Variants in CNTNAP3B observed in about 807,000 individuals in gnomAD.
CNTNAP3B encodes contactin associated protein family member 3B.
CNTNAP3B carries 25 observed loss-of-function variants against 108.9 expected under a neutral mutation model. The ratio of observed to expected loss-of-function variants is 0.23; its 90% CI spans 0.17 to 0.32. The LOEUF is 0.32. CNTNAP3B is among the 10% of genes least tolerant of loss of function. CNTNAP3B has a pLI of 1.00. For synonymous variants in CNTNAP3B, 103 were observed against 473.4 expected (o/e 0.22, Z 10.16); for missense variants, 252 against 1,210.4 (o/e 0.21, Z 11.75).
intron 4 of CNTNAP3B, among the ~76,000 whole-genome samples, chr9:42,002,917 C>T (rs1255665160): frequency 7.8e-6 from 1 of 128,996 alleles, no homozygotes; most frequent in Non-Finnish European, 1.6e-5. Flanking sequence ...AACAGAGACT[C>T]ACTCCGTTGC....
At chr9:42,121,277 G>T (rs1265675295) in intron 1 of CNTNAP3B, among the ~76,000 whole-genome samples, 2 of 138,806 alleles carry the variant, frequency 1.4e-5, no homozygotes, top group East Asian at 2.2e-4. Context: ...CCCCCTTTTG[G>T]TGGATTTTTC....
intron 3 of CNTNAP3B, among the ~76,000 whole-genome samples, chr9:42,070,830 T>A (rs1483965502): frequency 6.6e-6 from 1 of 151,980 alleles, no homozygotes; most frequent in East Asian, 1.9e-4. Context: ...TAGGAACAAA[T>A]ACACACAGGC....
At chr9:42,070,319 G>A (rs1295326694) in intron 3 of CNTNAP3B, among the ~76,000 whole-genome samples, 5 of 150,018 alleles carry the variant, frequency 3.3e-5, no homozygotes, top group Admixed American at 3.3e-4. Context: ...GAGAGATACA[G>A]AAGGAAACAA....
chr9:42,041,754 T>G (rs1007312250), intron 3 of CNTNAP3B, among the ~76,000 whole-genome samples: 1 of 138,664 alleles, frequency 7.2e-6, no homozygotes, highest in African/African-American at 2.8e-5. Context: ...ACCCAGAGGA[T>G]TATAAATCAT....
At chr9:42,020,449 C>T (rs1229094414) in intron 3 of CNTNAP3B, among the ~76,000 whole-genome samples, 43 of 148,410 alleles carry the variant, frequency 2.9e-4, no homozygotes, top group African/African-American at 8.7e-4. Flanking sequence ...TGTGTGAGAT[C>T]GATCAGCATG....
chr9:42,097,260 A>G (rs1827921196), intron 2 of CNTNAP3B, among the ~76,000 whole-genome samples: 1 of 140,414 alleles, frequency 7.1e-6, no homozygotes. Context: ...AGGAGTGCAC[A>G]GCAGGCATGG....
intron 14 of CNTNAP3B, among the ~76,000 whole-genome samples, chr9:41,935,835 G>A (rs1251501976): frequency 6.6e-6 from 1 of 152,294 alleles, no homozygotes; most frequent in Non-Finnish European, 1.5e-5. Flanking sequence ...CCAAATGAAA[G>A]CCCAGGGCTT....
chr9:41,951,218 T>C (rs370263494), intron 13 of CNTNAP3B, among the ~76,000 whole-genome samples: 19 of 147,504 alleles, frequency 1.3e-4, no homozygotes, highest in African/African-American at 4.8e-4. Context: ...CACAAGTGTA[T>C]GTAAATCTAC....
rs1223812230 is a variant in CNTNAP3B, at chr9:42,110,734, G to A, written c.86-5995C>T. Among the ~76,000 whole-genome samples, 38 of 136,278 alleles carry A rather than the reference G, an allele frequency of 2.8e-4. 5 individuals are homozygous for A. Among genetic ancestry groups the A allele is most frequent in the African/African-American group, 9.1e-4 (31 of 33,992 alleles). 89.4% of individuals were successfully genotyped at this position (136,278 alleles called of 152,430 possible). A position where few individuals can be genotyped will look rare whatever the true frequency, so the allele number is the denominator to read the frequency against. ...CACGTCTGGATGTTCATCTGGATACGGCGCTATTCCATTCTTCCCATTTCA... is the reference window on the plus strand; with the variant it reads ...CACGTCTGGATGTTCATCTGGATACAGCGCTATTCCATTCTTCCCATTTCA... On this transcript the variant is annotated intron_variant, in intron 1 of 23. Transcript: ENST00000377561.
intron 12 of CNTNAP3B, among the ~76,000 whole-genome samples, chr9:41,955,634 G>T (rs1173771237): frequency 1.3e-5 from 2 of 152,260 alleles, no homozygotes; most frequent in Non-Finnish European, 1.5e-5. Context: ...GGGCTCAAGT[G>T]AATTGGACCT....
Position 42,056,021 on chromosome 9 carries a change from T to C in CNTNAP3B, c.390+20848A>G, listed in dbSNP as rs1434376439. On this transcript the variant is annotated intron_variant, in intron 3 of 23. Transcript: ENST00000377561. ...ACAAAGCACAAAGAATCATGTTTGG[T>C]GCACAGTAAGCACTCAAGATACATA... Among the ~76,000 whole-genome samples, 3 of 113,092 alleles carry C rather than the reference T, an allele frequency of 2.7e-5. 1 individual carries two copies. Among genetic ancestry groups the C allele is most frequent in the Non-Finnish European group, 5.5e-5 (3 of 54,356 alleles). The allele number at this position is 113,092 out of a possible 152,430, so 74.2% of individuals were successfully genotyped here.
rs1823733811 is a variant in CNTNAP3B at position 41,923,836 on chromosome 9, A to G, written c.2536+87T>C. The G allele has an allele frequency of 6.5e-6, 10 of 1,537,670 alleles. No homozygotes were observed. In the South Asian group the frequency reaches 1.3e-4, roughly 19 times the overall value. The stretch of plus-strand genomic sequence containing the variant: ...TATAATGAAATAGAATCACAAAGTA[A>G]GAATGAAATACTACCATTTTGTTGA... On this transcript the variant is annotated intron_variant, in intron 16 of 23. Transcript: ENST00000377561.
In CNTNAP3B at chr9:42,038,475, C is replaced by G. The variant is rs1826679557; in HGVS notation, c.391-24950G>C. On this transcript the variant is annotated intron_variant, in intron 3 of 23. Coordinates refer to ENST00000377561, the MANE Select transcript of CNTNAP3B (RefSeq NM_001201380.3). ...GAAAATAAAAAAAAAGCAGGGGTTG[C>G]AATCCTAGTCTCAGATAAAACAGAC... 2.0e-5 allele frequency among the ~76,000 whole-genome samples: 2 copies of G among 98,018 alleles called. 1 individual carries two copies. The highest frequency in any genetic ancestry group is 4.3e-5 in the Non-Finnish European group (2 of 46,044). 64.3% of individuals were successfully genotyped at this position (98,018 alleles called of 152,430 possible).
At chr9:42,054,755 T>C (rs1827027153) in intron 3 of CNTNAP3B, among the ~76,000 whole-genome samples, 1 of 151,520 alleles carries the variant, frequency 6.6e-6, no homozygotes, top group South Asian at 2.1e-4. Context: ...TTCTGTCGGG[T>C]TACATCCACT....
intron 1 of CNTNAP3B, among the ~76,000 whole-genome samples, chr9:42,126,893 C>T (rs1183407124): frequency 7.2e-6 from 1 of 138,570 alleles, no homozygotes; most frequent in Non-Finnish European, 1.5e-5. Context: ...CCATGAAGAG[C>T]CATTTCATGC....
intron 2 of CNTNAP3B, among the ~76,000 whole-genome samples, chr9:42,096,719 C>A (rs1263095046): frequency 9.1e-6 from 1 of 109,756 alleles, no homozygotes; most frequent in Non-Finnish European, 1.9e-5. Flanking sequence ...GAGTTTCTGG[C>A]TGACTTACGC....
chr9:41,937,097 C>CGTTACTT (rs1363772273), intron 14 of CNTNAP3B, among the ~76,000 whole-genome samples: 4,911 of 122,762 alleles, frequency 0.04, 29 homozygotes, highest in Admixed American at 0.072. Flanking sequence ...ATGACCATTA[C>CGTTACTT]ATTTTTTATT....
At chr9:41,936,982 T>A (rs1459525367) in intron 14 of CNTNAP3B, among the ~76,000 whole-genome samples, 1 of 152,270 alleles carries the variant, frequency 6.6e-6, no homozygotes, top group Non-Finnish European at 1.5e-5. Flanking sequence ...TTATGCCAAA[T>A]AAATAAGTGG....
intron 12 of CNTNAP3B, among the ~76,000 whole-genome samples, chr9:41,956,866 C>CA (rs1192362043): frequency 7.1e-6 from 1 of 140,398 alleles, no homozygotes; most frequent in African/African-American, 2.8e-5. Context: ...CTGGCCTGGG[C>CA]ATGGTGGCTT....
Sources: allele counts gnomAD v4.1 joint callset (sites outside exome capture counted in the v4.1 genomes callset), GRCh38; gene constraint gnomAD v4.1.1; transcripts MANE v1.5; gene names NCBI Gene and HGNC (gene_info 2026-07-23, HGNC 2026-07-21).